MAN2A1: variants seen among roughly 807,000 people sequenced by gnomAD.
The protein encoded by MAN2A1 is alpha-mannosidase 2.
MAN2A1 carries 76 observed loss-of-function variants against 142.6 expected under a neutral mutation model. The observed-to-expected ratio is 0.53, with a 90% confidence interval of 0.44 to 0.65. MAN2A1 has a LOEUF of 0.65. MAN2A1 is among the 30% of genes least tolerant of loss of function. MAN2A1 has a pLI of 0.00. For synonymous variants in MAN2A1, 559 were observed against 473.2 expected (o/e 1.18, Z -2.35); for missense variants, 1,311 against 1,365.1 (o/e 0.96, Z 0.62).
chr5:109,842,070 A>C (rs1755219488), intron 16 of MAN2A1, among the ~76,000 whole-genome samples: 1 of 152,196 alleles, frequency 6.6e-6, no homozygotes, highest in African/African-American at 2.4e-5. Flanking sequence ...CATGTTATAC[A>C]TCATCTACAT....
chr5:109,806,217 C>CA (rs1754161783), intron 12 of MAN2A1, among the ~76,000 whole-genome samples: 1 of 152,136 alleles, frequency 6.6e-6, no homozygotes, highest in Admixed American at 6.5e-5. Context: ...ACTGCCTTAC[C>CA]CACTGAAGGG....
intron 12 of MAN2A1, among the ~76,000 whole-genome samples, 186 bp downstream of exon 12, chr5:109,789,713 T>C (rs1396829763): frequency 6.6e-6 from 1 of 151,802 alleles, no homozygotes; most frequent in Non-Finnish European, 1.5e-5. Flanking sequence ...CAGTGCTTAG[T>C]ATATTGACTG....
At chr5:109,758,131 T>A (rs1159035898) in intron 5 of MAN2A1, among the ~76,000 whole-genome samples, 1 of 152,148 alleles carries the variant, frequency 6.6e-6, no homozygotes, top group Non-Finnish European at 1.5e-5. Flanking sequence ...TCGTTCTACC[T>A]TCCCACCAGC....
At chr5:109,863,001 T>A (rs1755794403) in intron 20 of MAN2A1, 1 of 152,186 alleles carries the variant, frequency 6.6e-6, no homozygotes, top group Non-Finnish European at 1.5e-5. Context: ...CTCCCCACAT[T>A]TTTTGTCCCC....
chr5:109,817,693 A>G (rs964929655), intron 13 of MAN2A1, among the ~76,000 whole-genome samples: 1 of 152,190 alleles, frequency 6.6e-6, no homozygotes, highest in Admixed American at 6.5e-5. Flanking sequence ...TGTATATTGT[A>G]TATCTTTGTA....
chr5:109,862,625 A>C (rs1163153575), intron 20 of MAN2A1: 2 of 152,204 alleles, frequency 1.3e-5, no homozygotes, highest in African/African-American at 4.8e-5. Flanking sequence ...ATACAGTGTG[A>C]CTGCTTGAAG....
chr5:109,851,838 G>T (rs1319518391), intron 19 of MAN2A1, among the ~76,000 whole-genome samples: 1 of 152,070 alleles, frequency 6.6e-6, no homozygotes, highest in Admixed American at 6.6e-5. Context: ...ATAAGGAGAA[G>T]AAATTGGGAG....
intron 5 of MAN2A1, among the ~76,000 whole-genome samples, chr5:109,756,786 A>G (rs1039898507): frequency 2.0e-5 from 3 of 152,210 alleles, no homozygotes; most frequent in Admixed American, 6.5e-5. Flanking sequence ...GTCTGGGAAC[A>G]TGGATATCCT....
At chr5:109,776,657 T>A (rs1263734311) in intron 8 of MAN2A1, among the ~76,000 whole-genome samples, 2 of 152,084 alleles carry the variant, frequency 1.3e-5, no homozygotes, top group Non-Finnish European at 2.9e-5. Flanking sequence ...AAACCATAAG[T>A]GTGCATAGAA....
At chr5:109,726,460 A>G (rs1329390224) in intron 3 of MAN2A1, among the ~76,000 whole-genome samples, 2 of 152,152 alleles carry the variant, frequency 1.3e-5, no homozygotes, top group African/African-American at 4.8e-5. Context: ...ATTATGCTGT[A>G]TGGTGGTGAT....
intron 15 of MAN2A1, among the ~76,000 whole-genome samples, chr5:109,821,920 A>T (rs1754632962): frequency 1.3e-5 from 2 of 151,560 alleles, no homozygotes; most frequent in Admixed American, 1.3e-4. Context: ...TTTTTTCTGT[A>T]GAGTTTCTTC....
intron 12 of MAN2A1, among the ~76,000 whole-genome samples, chr5:109,806,654 C>T (rs1441799667): frequency 6.6e-6 from 1 of 152,120 alleles, no homozygotes; most frequent in Non-Finnish European, 1.5e-5. Context: ...AGTTTAGAAA[C>T]TAAAAGTTTA....
intron 4 of MAN2A1, among the ~76,000 whole-genome samples, chr5:109,735,824 G>A (rs145109155): frequency 1.4e-5 from 2 of 144,966 alleles, no homozygotes; most frequent in Admixed American, 6.9e-5. Flanking sequence ...GAAAATTGAT[G>A]TAAACATTTA....
intron 16 of MAN2A1, among the ~76,000 whole-genome samples, chr5:109,828,913 G>T (rs1754831855): frequency 6.6e-6 from 1 of 152,084 alleles, no homozygotes; most frequent in African/African-American, 2.4e-5. Flanking sequence ...GTTTTTCTCT[G>T]AGCAATTTTG....
chr5:109,788,971 G>A lies in MAN2A1; in HGVS notation c.1798G>A (p.Gly600Arg), dbSNP rs1334720801. ...GTTAATGGTTTTGGAGAAGATAATTGGAAATTCTGCATTTCTTCTTATTTT... is the reference window on the plus strand; with the variant it reads ...GTTAATGGTTTTGGAGAAGATAATTAGAAATTCTGCATTTCTTCTTATTTT... Reference protein sequence around the residue: ...HSLMVLEKIIGNSAFLLILKD... With the variant: ...HSLMVLEKIIRNSAFLLILKD... The change falls in exon 11 of 22, where the codon GGA becomes AGA. Residue 600 changes from glycine to arginine, a missense_variant. Transcript: ENST00000261483. 1 of 1,601,556 alleles carries A rather than the reference G, an allele frequency of 6.2e-7. No homozygotes were observed. Among genetic ancestry groups the A allele is most frequent in the Admixed American group, 1.7e-5 (1 of 59,594 alleles).
In MAN2A1 at chr5:109,706,994, C is replaced by T. The variant is rs549271790; in HGVS notation, c.136-6526C>T. ...TCTTTTTCCAAACTTCCTTCACTCCCCACAAGAGGTGAAAATAATAGTCTC... is the reference window on the plus strand; with the variant it reads ...TCTTTTTCCAAACTTCCTTCACTCCTCACAAGAGGTGAAAATAATAGTCTC... On this transcript the variant is annotated intron_variant, in intron 1 of 21. Coordinates refer to ENST00000261483, the MANE Select transcript of MAN2A1 (RefSeq NM_002372.4). Among the ~76,000 whole-genome samples, 4 of 152,224 alleles carry T rather than the reference C, an allele frequency of 2.6e-5. No homozygotes were observed. In the South Asian group the frequency reaches 6.2e-4, roughly 24 times the overall value.
At chr5:109,834,130 A>G (rs868457978) in intron 16 of MAN2A1, among the ~76,000 whole-genome samples, 6 of 152,164 alleles carry the variant, frequency 3.9e-5, no homozygotes, top group Middle Eastern at 3.2e-3. Flanking sequence ...AGAAAGGAGC[A>G]TGTTTGGGAA....
At chr5:109,711,011 AG>A (rs1487147850) in intron 1 of MAN2A1, among the ~76,000 whole-genome samples, 1 of 151,976 alleles carries the variant, frequency 6.6e-6, no homozygotes, top group African/African-American at 2.4e-5. Context: ...TATTTTTAGT[AG>A]AGATGGGGTT....
intron 1 of MAN2A1, among the ~76,000 whole-genome samples, chr5:109,703,263 T>C (rs190901740): frequency 9.2e-5 from 14 of 152,404 alleles, no homozygotes; most frequent in African/African-American, 3.4e-4. Context: ...GACAGAACTT[T>C]TGTTAGCATA....
Sources: gnomAD v4.1 joint callset for allele counts (sites outside exome capture counted in the v4.1 genomes callset) on GRCh38, gnomAD v4.1.1 for gene constraint, MANE v1.5 for transcripts, NCBI Gene and HGNC (gene_info 2026-07-23, HGNC 2026-07-21) for gene names.